The following LRP1B variants were observed in gnomAD, a reference collection of about 807,000 sequenced individuals.
LRP1B encodes the protein LDL receptor related protein 1B.
A neutral mutation model predicts 556.6 loss-of-function variants in LRP1B; 217 were observed. The ratio of observed to expected loss-of-function variants is 0.39; its 90% CI spans 0.35 to 0.44. LRP1B has a LOEUF of 0.44. LRP1B is among the 20% of genes least tolerant of loss of function. LRP1B has a pLI of 1.00. For missense variants in LRP1B, 5,053 were observed against 5,620.8 expected (o/e 0.90, Z 3.23); for synonymous variants, 2,047 against 1,865.8 (o/e 1.10, Z -2.50).
chr2:141,311,750 C>T (rs1686822128), intron 3 of LRP1B, among the ~76,000 whole-genome samples: 1 of 152,128 alleles, frequency 6.6e-6, no homozygotes, highest in Admixed American at 6.6e-5. Context: ...GATGTCAGTG[C>T]TATGCTCATG....
chr2:141,085,595 T>C (rs768354056), intron 7 of LRP1B, among the ~76,000 whole-genome samples: 3 of 152,092 alleles, frequency 2.0e-5, no homozygotes, highest in Non-Finnish European at 4.4e-5. Flanking sequence ...TGCTAACATC[T>C]TGATCTGAGA....
At chr2:141,651,243 T>C (rs1689777844) in intron 2 of LRP1B, among the ~76,000 whole-genome samples, 3 of 152,208 alleles carry the variant, frequency 2.0e-5, no homozygotes, top group Admixed American at 2.0e-4. Flanking sequence ...CACAGGTTTA[T>C]ATATATCTAT....
At chr2:140,916,705 A>T (rs1694589863) in intron 21 of LRP1B, among the ~76,000 whole-genome samples, 1 of 152,218 alleles carries the variant, frequency 6.6e-6, no homozygotes, top group South Asian at 2.1e-4. Context: ...TAGTCAATTA[A>T]AAAAGGACAC....
chr2:141,146,958 G>A (rs1179306828), intron 7 of LRP1B, among the ~76,000 whole-genome samples: 1 of 152,106 alleles, frequency 6.6e-6, no homozygotes, highest in African/African-American at 2.4e-5. Context: ...CTTTGCCCCA[G>A]GAAGCTGATC....
At chr2:141,038,434 T>G (rs1698601106) in intron 11 of LRP1B, among the ~76,000 whole-genome samples, 1 of 152,102 alleles carries the variant, frequency 6.6e-6, no homozygotes. Flanking sequence ...CAAGTTTTGA[T>G]GTGGAGTAAG....
At chr2:140,779,754 G>A (rs1689630138) in intron 32 of LRP1B, among the ~76,000 whole-genome samples, 1 of 44,316 alleles carries the variant, frequency 2.3e-5, no homozygotes, top group African/African-American at 9.1e-5. Flanking sequence ...CTCTGTGAGA[G>A]AGTGTGTGTG....
intron 2 of LRP1B, among the ~76,000 whole-genome samples, chr2:141,508,091 C>CCA (rs1553523422): frequency 1.9e-3 from 287 of 148,572 alleles, no homozygotes; most frequent in African/African-American, 6.5e-3. Flanking sequence ...ATCCCCCCCC[C>CCA]AAAAAAAAAG....
intron 2 of LRP1B, among the ~76,000 whole-genome samples, chr2:141,524,279 T>TATATATAA (rs960090877): frequency 2.0e-5 from 3 of 151,472 alleles, no homozygotes; most frequent in Non-Finnish European, 2.9e-5. Context: ...TATATATATA[T>TATATATAA]AAAACTCAAT....
intron 7 of LRP1B, among the ~76,000 whole-genome samples, chr2:141,136,246 T>A (rs1391381932): frequency 6.6e-6 from 1 of 152,006 alleles, no homozygotes; most frequent in East Asian, 1.9e-4. Context: ...GAGGGTTAAC[T>A]GGAAAATAGA....
intron 79 of LRP1B, among the ~76,000 whole-genome samples, chr2:140,330,521 T>G (rs1222018290): frequency 1.3e-5 from 2 of 152,084 alleles, no homozygotes; most frequent in African/African-American, 4.8e-5. Flanking sequence ...GCTAGCCATA[T>G]GCAGAAAATT....
At chr2:141,901,630 C>T (rs1699620684) in intron 1 of LRP1B, among the ~76,000 whole-genome samples, 1 of 151,718 alleles carries the variant, frequency 6.6e-6, no homozygotes. Flanking sequence ...GAAGTCTCAA[C>T]ACTTCAAGAT....
At chr2:141,086,176 C>T (rs1418958323) in intron 7 of LRP1B, among the ~76,000 whole-genome samples, 3 of 152,132 alleles carry the variant, frequency 2.0e-5, no homozygotes, top group Non-Finnish European at 2.9e-5. Context: ...TGATATTTTG[C>T]GACTATATGA....
At chr2:141,244,701 G>A (rs1468965168) in intron 5 of LRP1B, among the ~76,000 whole-genome samples, 1 of 152,042 alleles carries the variant, frequency 6.6e-6, no homozygotes, top group Non-Finnish European at 1.5e-5. Context: ...GAAAACTAAA[G>A]CTAAACAGGC....
intron 66 of LRP1B, among the ~76,000 whole-genome samples, chr2:140,421,542 AC>A (rs1390171545): frequency 1.3e-5 from 2 of 152,166 alleles, no homozygotes; most frequent in Non-Finnish European, 2.9e-5. Context: ...GTCTTAAAAT[AC>A]CATGTTATTT....
At chr2:141,489,112 C>CTTTTTTTT (rs70994433) in intron 2 of LRP1B, among the ~76,000 whole-genome samples, 1 of 76,080 alleles carries the variant, frequency 1.3e-5, no homozygotes, top group African/African-American at 5.8e-5. Flanking sequence ...TGATGCTTGG[C>CTTTTTTTT]TTTTTTTTTT....
rs532427361 is a variant in LRP1B at position 140,992,070 on chromosome 2, G to A, written c.2644+1925C>T. Reference sequence around the variant, plus strand: ...GGCTAAAGTTAAGGGAGGAATAGTGGCAGGCATAATAGAAAGCCATTTTCT... The same window carrying A: ...GGCTAAAGTTAAGGGAGGAATAGTGACAGGCATAATAGAAAGCCATTTTCT... On this transcript the variant is annotated intron_variant, in intron 16 of 90. Coordinates refer to ENST00000389484, the MANE Select transcript of LRP1B (RefSeq NM_018557.3). 5.6e-4 allele frequency among the ~76,000 whole-genome samples: 85 copies of A among 152,116 alleles called. 1 individual carries two copies. The highest frequency in any genetic ancestry group is 9.7e-4 in the Non-Finnish European group (66 of 67,976).
At chr2:141,176,312 C>T (rs1351656252) in intron 7 of LRP1B, among the ~76,000 whole-genome samples, 2 of 152,024 alleles carry the variant, frequency 1.3e-5, no homozygotes, top group Non-Finnish European at 2.9e-5. Flanking sequence ...TCTCATGTCC[C>T]ATTGTAATCC....
intron 55 of LRP1B, among the ~76,000 whole-genome samples, chr2:140,500,513 T>C (rs1236455505): frequency 1.3e-5 from 2 of 152,040 alleles, no homozygotes; most frequent in South Asian, 2.1e-4. Context: ...CTTTCATTGG[T>C]GATGTGTGAG....
In LRP1B at chr2:142,055,257, A is replaced by G. The variant is rs529862004; in HGVS notation, c.82+75391T>C. Among the ~76,000 whole-genome samples, 11 of 152,224 alleles carry G rather than the reference A, an allele frequency of 7.2e-5. No individual in the cohort carries two copies. In the East Asian group the frequency reaches 1.9e-3, roughly 27 times the overall value. ...ATATAGAGAAGAACAGACAGAGAAA[A>G]CTTTGGATAAAGGTAAGAAAACATC... On this transcript the variant is annotated intron_variant, in intron 1 of 90. Transcript: ENST00000389484.
Sources: gnomAD v4.1 joint callset for allele counts (sites outside exome capture counted in the v4.1 genomes callset) on GRCh38, gnomAD v4.1.1 for gene constraint, MANE v1.5 for transcripts, NCBI Gene and HGNC (gene_info 2026-07-23, HGNC 2026-07-21) for gene names.